Variants in RAP1GAP2 observed in about 807,000 individuals in gnomAD.
The protein encoded by RAP1GAP2 is RAP1 GTPase activating protein 2.
RAP1GAP2 carries 27 observed loss-of-function variants against 95.0 expected under a neutral mutation model. The observed-to-expected ratio is 0.28, with a 90% CI of 0.21 to 0.39. RAP1GAP2 has a LOEUF of 0.39. Among genes scored for constraint, RAP1GAP2 ranks in the 10% least tolerant of loss-of-function variants. The probability of loss-of-function intolerance (pLI) is 1.00; values close to 1 mark genes in which losing one functional copy is unlikely to be tolerated. For synonymous variants in RAP1GAP2, 373 were observed against 380.9 expected, an observed-to-expected ratio of 0.98 and a Z score of 0.24; for missense variants, 771 against 970.0, an observed-to-expected ratio of 0.79 and a Z score of 2.72.
intron 1 of RAP1GAP2, among the ~76,000 whole-genome samples, chr17:2,787,154 T>A (rs1466821359): frequency 6.6e-6 from 1 of 152,008 alleles, no homozygotes; most frequent in African/African-American, 2.4e-5. Context: ...TTTTACCATG[T>A]TGGCCAGGCT....
At chr17:2,818,319 T>G (rs2070125501) in intron 2 of RAP1GAP2, among the ~76,000 whole-genome samples, 1 of 149,674 alleles carries the variant, frequency 6.7e-6, no homozygotes, top group South Asian at 2.1e-4. Context: ...ATTTATTTAT[T>G]TATTTATTTA....
In RAP1GAP2 at chr17:2,938,851, G is replaced by A. The variant is rs372719021; in HGVS notation, c.166-18908G>A. Among the ~76,000 whole-genome samples the A allele has an allele frequency of 1.4e-4, 22 of 151,978 alleles. No individual in the cohort carries two copies. In the East Asian group the frequency reaches 2.0e-3, roughly 14 times the overall value. On this transcript the variant is annotated intron_variant, in intron 3 of 24. Coordinates refer to ENST00000254695, the MANE Select transcript of RAP1GAP2 (RefSeq NM_015085.5). The stretch of plus-strand genomic sequence containing the variant: ...AAAATACGAAAATTAGCCGGGTATG[G>A]TGGCGGGTGCCTGTAACCCCAGCCA...
At chr17:2,942,390 T>G (rs1219943936) in intron 3 of RAP1GAP2, among the ~76,000 whole-genome samples, 8 of 152,172 alleles carry the variant, frequency 5.3e-5, no homozygotes, top group Admixed American at 2.0e-4. Context: ...GGGCTGAAAC[T>G]TGGGGGCTGA....
rs559321798 is a variant in RAP1GAP2 at position 3,016,761 on chromosome 17, C to T, written c.1495-1300C>T. Among the ~76,000 whole-genome samples the T allele has an allele frequency of 2.0e-5, 3 of 152,346 alleles. No homozygotes were observed. In the South Asian group the frequency reaches 6.2e-4, roughly 32 times the overall value. On this transcript the variant is annotated intron_variant, in intron 17 of 24. Coordinates refer to ENST00000254695, the MANE Select transcript of RAP1GAP2 (RefSeq NM_015085.5). ...CCTCAGAGCCCTGTGTGTATTCTCA[C>T]AACTACTCTGTGGTGTAGACACCAA...
intron 17 of RAP1GAP2, among the ~76,000 whole-genome samples, chr17:3,016,036 A>G (rs2151634483): frequency 6.6e-6 from 1 of 152,236 alleles, no homozygotes; most frequent in Middle Eastern, 3.4e-3. Flanking sequence ...AGCTCACACT[A>G]CGATAAGGAA....
rs953815977 is a variant in RAP1GAP2, at chr17:3,036,106, C to T, written c.*2745C>T. On this transcript the variant is annotated 3_prime_UTR_variant, in exon 25 of 25. Coordinates refer to ENST00000254695, the MANE Select transcript of RAP1GAP2 (RefSeq NM_015085.5). Reference sequence around the variant, plus strand: ...GCTTAAAAACAGGTGCAGAAAAGCTCGCGATGGAAGGTCTTAATGAGAGTG... The same window carrying T: ...GCTTAAAAACAGGTGCAGAAAAGCTTGCGATGGAAGGTCTTAATGAGAGTG... 3.9e-5 allele frequency: 6 copies of T among 152,332 alleles called. No individual in the cohort carries two copies. Among genetic ancestry groups the T allele is most frequent in the Admixed American group, 1.3e-4 (2 of 15,300 alleles). 9.4% of individuals were successfully genotyped at this position (152,332 alleles called of 1,614,324 possible). A position where few individuals can be genotyped will look rare whatever the true frequency, so the allele number is the denominator to read the frequency against.
At chr17:2,980,259 A>G (rs759740853) in intron 8 of RAP1GAP2, 28 bp from the exon 9 acceptor site, 1 of 1,610,828 alleles carries the variant, frequency 6.2e-7, no homozygotes, top group South Asian at 1.1e-5. Flanking sequence ...TTTCTTAGGG[A>G]TGTCCTTTTT....
At chr17:2,778,804 A>T (rs988012847) in intron 1 of RAP1GAP2, among the ~76,000 whole-genome samples, 1 of 152,128 alleles carries the variant, frequency 6.6e-6, no homozygotes, top group Non-Finnish European at 1.5e-5. Context: ...GGGCGAGGAC[A>T]TGGGGTTTGA....
chr17:2,784,135 G>A (rs1287967337), intron 1 of RAP1GAP2, among the ~76,000 whole-genome samples: 1 of 152,130 alleles, frequency 6.6e-6, no homozygotes, highest in East Asian at 1.9e-4. Flanking sequence ...ACCACGCCAG[G>A]CTAATTTTTT....
At chr17:2,756,818 C>A (rs2071156513) in intron 1 of RAP1GAP2, among the ~76,000 whole-genome samples, 1 of 152,144 alleles carries the variant, frequency 6.6e-6, no homozygotes, top group Non-Finnish European at 1.5e-5. Flanking sequence ...CTCCATTTTA[C>A]TAAAGATGAG....
chr17:2,805,204 C>T lies in RAP1GAP2; in HGVS notation c.80+4654C>T, dbSNP rs534554084. Among the ~76,000 whole-genome samples the T allele has an allele frequency of 9.9e-5, 15 of 152,256 alleles. No homozygotes were observed. In the South Asian group the frequency reaches 1.7e-3, roughly 17 times the overall value. ...GAAGGAGAGAAAGAGGCAGGCTCAGCGTGTGGGGATCCCTCTTCTCCAGTC... is the reference window on the plus strand; with the variant it reads ...GAAGGAGAGAAAGAGGCAGGCTCAGTGTGTGGGGATCCCTCTTCTCCAGTC... On this transcript the variant is annotated intron_variant, in intron 2 of 24. Transcript: ENST00000254695.
chr17:2,991,542 C>T (rs748846864), intron 12 of RAP1GAP2, 145 bp downstream of exon 12: 31 of 662,784 alleles, frequency 4.7e-5, no homozygotes, highest in Non-Finnish European at 5.2e-6. Flanking sequence ...TCGCTCACTG[C>T]ATTTCTAAGG....
intron 4 of RAP1GAP2, chr17:2,962,408 AT>A: frequency 2.1e-6 from 1 of 472,088 alleles, no homozygotes; most frequent in Non-Finnish European, 3.7e-6. Flanking sequence ...TGCCAAGGTC[AT>A]CAGGCTGATA....
At chr17:2,917,680 C>T (rs777510390) in intron 3 of RAP1GAP2, among the ~76,000 whole-genome samples, 1 of 151,974 alleles carries the variant, frequency 6.6e-6, no homozygotes. Context: ...GCTGGAATTA[C>T]AGGTGTGAGC....
intron 2 of RAP1GAP2, among the ~76,000 whole-genome samples, chr17:2,843,541 C>T (rs1177523085): frequency 1.3e-5 from 2 of 152,102 alleles, no homozygotes; most frequent in Admixed American, 6.6e-5. Context: ...CCCACCTCAG[C>T]CTCCCAAAGT....
intron 12 of RAP1GAP2, among the ~76,000 whole-genome samples, chr17:2,993,687 C>G (rs2045856419): frequency 6.6e-6 from 1 of 152,152 alleles, no homozygotes; most frequent in Non-Finnish European, 1.5e-5. Flanking sequence ...TATATTGCCA[C>G]CTTCCATTGA....
chr17:2,927,385 C>G lies in RAP1GAP2; in HGVS notation c.165+22017C>G, dbSNP rs550984158. ...AGCCAGGATGGTCTCGATCTCCTGA[C>G]CTCGTGATCCGCCCGCCTTGGCCTC... On this transcript the variant is annotated intron_variant, in intron 3 of 24. Coordinates refer to ENST00000254695, the MANE Select transcript of RAP1GAP2 (RefSeq NM_015085.5). Among the ~76,000 whole-genome samples the G allele has an allele frequency of 2.4e-3, 368 of 151,856 alleles. 1 individual carries two copies. Among genetic ancestry groups the G allele is most frequent in the Admixed American group, 5.4e-3 (82 of 15,254 alleles).
At chr17:2,946,704 G>A (rs1275129772) in intron 3 of RAP1GAP2, among the ~76,000 whole-genome samples, 1 of 152,178 alleles carries the variant, frequency 6.6e-6, no homozygotes, top group African/African-American at 2.4e-5. Context: ...GAACTTCTTA[G>A]AAACGCACAT....
At chr17:2,905,462 G>A (rs2042169685) in intron 3 of RAP1GAP2, 94 bp downstream of exon 3, 9 of 1,243,422 alleles carry the variant, frequency 7.2e-6, no homozygotes, top group East Asian at 2.5e-5. Context: ...AGCAGCGTCC[G>A]TCGCAGTGGG....
Sources: allele counts gnomAD v4.1 joint callset (sites outside exome capture counted in the v4.1 genomes callset), GRCh38; gene constraint gnomAD v4.1.1; transcripts MANE v1.5; gene names NCBI Gene and HGNC (gene_info 2026-07-23, HGNC 2026-07-21).